KCNC4: variants seen among roughly 807,000 people sequenced by gnomAD.
KCNC4 encodes voltage-gated potassium channel KCNC4.
A neutral mutation model predicts 42.8 loss-of-function variants in KCNC4; 23 were observed. That is an observed-to-expected ratio of 0.54 (90% CI 0.39 to 0.76). KCNC4 has a LOEUF of 0.76. KCNC4 is among the 30% of genes least tolerant of loss of function. The probability of loss-of-function intolerance (pLI) is 0.00; values close to 1 mark genes in which losing one functional copy is unlikely to be tolerated. For missense variants in KCNC4, 751 were observed against 898.2 expected, an observed-to-expected ratio of 0.84 and a Z score of 2.10; for synonymous variants, 422 against 393.5, an observed-to-expected ratio of 1.07 and a Z score of -0.86.
rs779859089 is a variant in KCNC4, at chr1:110,223,510, C to G, written c.1225C>G (p.Pro409Ala). 7.4e-6 allele frequency: 12 copies of G among 1,613,824 alleles called. No individual in the cohort carries two copies. Among genetic ancestry groups the G allele is most frequent in the Non-Finnish European group, 9.3e-6 (11 of 1,180,050 alleles). The change falls in exon 2 of 4, where the codon CCC becomes GCC. Residue 409 changes from proline (P) to alanine (A), a missense_variant. Physicochemically the swap from Pro to Ala is conservative, Grantham distance 27. This residue lies in a region of KCNC4 where 185 missense variants were observed against 293.7 expected (regional missense o/e 0.63). Coordinates refer to ENST00000438661, the MANE Select transcript of KCNC4 (RefSeq NM_001039574.3). This position sits in a 1 kb window ranked among gnomAD's most constrained non-coding sequence, Gnocchi z 7.5. ...CTACGCTGAGCGCATTGGGGCCAGG[C>G]CCTCCGACCCTCGGGGTAATGACCA... ...IYYAERIGAR[P>A]SDPRGNDHTD...
intron 3 of KCNC4, among the ~76,000 whole-genome samples, chr1:110,229,710 C>G (rs1334674218): frequency 3.3e-5 from 5 of 152,180 alleles, no homozygotes; most frequent in Non-Finnish European, 4.4e-5. Flanking sequence ...CAGGGGTACA[C>G]CTTGCGCAGG....
chr1:110,253,256 G>A (rs960818670), downstream of KCNC4, among the ~76,000 whole-genome samples: 3 of 152,190 alleles, frequency 2.0e-5, no homozygotes, highest in African/African-American at 7.2e-5. Context: ...ATTGTTGTCT[G>A]TTTATGCATC....
rs1252302972 is a variant in KCNC4, at chr1:110,226,078, C to T, written c.1719C>T (p.Ala573=). The change falls in exon 3 of 4, where the codon GCC becomes GCT. Residue 573 remains alanine (A), a synonymous_variant. Coordinates refer to ENST00000438661, the MANE Select transcript of KCNC4 (RefSeq NM_001039574.3). ...CCCCGACCCCCGAGGAGCGCCGGGC[C>T]CTGCGACGCTCCACCACTCGAGACA... ...ASSPTPEERR[A]LRRSTTRDRN... is the part of the protein sequence containing the mutation. 1.2e-6 allele frequency: 2 copies of T among 1,613,950 alleles called. No individual in the cohort carries two copies. The highest frequency in any genetic ancestry group is 1.7e-6 in the Non-Finnish European group (2 of 1,179,960).
chr1:110,237,609 TAGA>T (rs946047754), downstream of KCNC4: 1 of 152,290 alleles, frequency 6.6e-6, no homozygotes, highest in African/African-American at 2.4e-5. Context: ...GAGGTGGAAT[TAGA>T]AGACTGTTTC....
intron 1 of KCNC4, among the ~76,000 whole-genome samples, chr1:110,262,244 A>G (rs1659468689): frequency 6.6e-6 from 1 of 152,240 alleles, no homozygotes. Context: ...GTGCTATAGC[A>G]ATTATGTGAT....
chr1:110,263,154 T>C (rs1223421141), intron 1 of KCNC4, among the ~76,000 whole-genome samples: 2 of 152,130 alleles, frequency 1.3e-5, no homozygotes, highest in African/African-American at 2.4e-5. Flanking sequence ...GGGTCAGCAG[T>C]GGTGGGGCTT....
intron 1 of KCNC4, among the ~76,000 whole-genome samples, chr1:110,277,225 G>T (rs781164383): frequency 9.2e-5 from 14 of 152,204 alleles, no homozygotes; most frequent in Admixed American, 3.9e-4. Flanking sequence ...GAAATCACTT[G>T]CTTTTTAGCT....
intron 2 of KCNC4, chr1:110,224,704 C>T (rs748054623): frequency 6.6e-6 from 1 of 152,278 alleles, no homozygotes; most frequent in Admixed American, 6.5e-5. Flanking sequence ...GCCCCTGAAT[C>T]AGGAGTTGGG....
At chr1:110,245,295 A>G (rs1320030124) in exon 4 of KCNC4, 1 of 152,232 alleles carries the variant, frequency 6.6e-6, no homozygotes, top group Non-Finnish European at 1.5e-5. Flanking sequence ...CTTTAATAAA[A>G]TATTTGACAT....
At chr1:110,245,627 G>C (rs1659129132) in exon 4 of KCNC4, 1 of 152,150 alleles carries the variant, frequency 6.6e-6, no homozygotes, top group Admixed American at 6.5e-5. Context: ...GCAACCATAA[G>C]GAAGCTGATT....
exon 4 of KCNC4, chr1:110,248,206 CAT>C (rs1224763061): frequency 6.6e-6 from 1 of 152,186 alleles, no homozygotes; most frequent in Non-Finnish European, 1.5e-5. Flanking sequence ...GCTAGTGCCT[CAT>C]GTCAAAATGA....
chr1:110,255,328 A>C (rs1482599972), intron 1 of KCNC4, among the ~76,000 whole-genome samples: 1 of 152,108 alleles, frequency 6.6e-6, no homozygotes, highest in South Asian at 2.1e-4. Context: ...GGTCCTCTTC[A>C]CTTCACCGTC....
At chr1:110,251,695 C>T (rs770746576), downstream of KCNC4, among the ~76,000 whole-genome samples, 12 of 152,194 alleles carry the variant, frequency 7.9e-5, no homozygotes, top group Non-Finnish European at 1.8e-4. Context: ...ACTTGGTTAT[C>T]ATGATTATTT....
exon 4 of KCNC4, chr1:110,242,812 G>A (rs1468176654): frequency 1.3e-5 from 2 of 152,208 alleles, no homozygotes; most frequent in Non-Finnish European, 2.9e-5. Flanking sequence ...GGAAACTGGA[G>A]AGTAATTTGA....
chr1:110,239,232 C>G (rs1658977062), exon 4 of KCNC4: 1 of 152,506 alleles, frequency 6.6e-6, no homozygotes, highest in Non-Finnish European at 1.5e-5. Flanking sequence ...CCCCTGCTCT[C>G]AGCCCCTGAG....
chr1:110,272,332 C>G (rs897728245), intron 1 of KCNC4, among the ~76,000 whole-genome samples: 1 of 152,176 alleles, frequency 6.6e-6, no homozygotes, highest in Non-Finnish European at 1.5e-5. Context: ...ACTTTACCTA[C>G]AATCAATGCT....
intron 1 of KCNC4, among the ~76,000 whole-genome samples, chr1:110,258,963 G>T (rs938950948): frequency 2.0e-5 from 3 of 152,166 alleles, no homozygotes; most frequent in Admixed American, 2.0e-4. Flanking sequence ...AGGGGCTTCT[G>T]GGCTGCATGC....
At chr1:110,255,699 C>T (rs374203554) in intron 1 of KCNC4, among the ~76,000 whole-genome samples, 1 of 152,220 alleles carries the variant, frequency 6.6e-6, no homozygotes. Flanking sequence ...AACAACAGCA[C>T]AGGTGGAGCT....
intron 1 of KCNC4, among the ~76,000 whole-genome samples, chr1:110,263,852 T>G (rs907061288): frequency 6.6e-6 from 1 of 151,918 alleles, no homozygotes; most frequent in African/African-American, 2.4e-5. Context: ...GGGTCTCCAT[T>G]TGGGGAGAGT....
Sources: gnomAD v4.1 joint callset for allele counts (sites outside exome capture counted in the v4.1 genomes callset) on GRCh38, gnomAD v4.1.1 for gene constraint, gnomAD v4.1.1 regional missense constraint, Gnocchi (gnomAD v3.1) non-coding constraint, MANE v1.5 for transcripts, NCBI Gene and HGNC (gene_info 2026-07-23, HGNC 2026-07-21) for gene names.